The following SLC35F4 variants were observed in gnomAD, a reference collection of about 807,000 sequenced individuals.
The protein encoded by SLC35F4 is solute carrier family 35 member F4.
In SLC35F4, 24 loss-of-function variants were observed where a neutral mutation model predicts 44.2. The observed-to-expected ratio is 0.54, with a 90% CI of 0.39 to 0.76. SLC35F4 has a LOEUF of 0.76. Among genes scored for constraint, SLC35F4 ranks in the 30% least tolerant of loss-of-function variants. SLC35F4 has a pLI of 0.00. For missense variants in SLC35F4, 562 were observed against 586.1 expected, an observed-to-expected ratio of 0.96 and a Z score of 0.42; for synonymous variants, 238 against 223.6, an observed-to-expected ratio of 1.06 and a Z score of -0.57.
At chr14:57,911,597 T>C (rs543321197) in intron 1 of SLC35F4, among the ~76,000 whole-genome samples, 1 of 152,194 alleles carries the variant, frequency 6.6e-6, no homozygotes, top group Admixed American at 6.5e-5. Flanking sequence ...TTAATTGATA[T>C]TCAAATATTG....
At chr14:57,920,042 A>G (rs1889411666) in intron 1 of SLC35F4, among the ~76,000 whole-genome samples, 1 of 152,198 alleles carries the variant, frequency 6.6e-6, no homozygotes, top group Admixed American at 6.5e-5. Context: ...AATCTGCCAC[A>G]AAACCTGTGA....
chr14:57,968,824 C>G (rs1039646851), intron 1 of SLC35F4, among the ~76,000 whole-genome samples: 12 of 152,078 alleles, frequency 7.9e-5, no homozygotes, highest in African/African-American at 2.9e-4. Context: ...ATTAAACTTC[C>G]CCATATTATC....
intron 1 of SLC35F4, among the ~76,000 whole-genome samples, chr14:57,726,554 T>G (rs1230642175): frequency 6.6e-6 from 1 of 152,272 alleles, no homozygotes; most frequent in African/African-American, 2.4e-5. Context: ...ATATCAGCAT[T>G]TAAGTATTGT....
rs754853073 is a variant in SLC35F4, at chr14:57,737,127, T to C, written c.103+128596A>G. 1.3e-5 allele frequency among the ~76,000 whole-genome samples: 2 copies of C among 148,650 alleles called. 1 individual carries two copies. Among genetic ancestry groups the C allele is most frequent in the South Asian group, 4.3e-4 (2 of 4,648 alleles). On this transcript the variant is annotated intron_variant, in intron 1 of 7. Coordinates refer to ENST00000556826, the MANE Select transcript of SLC35F4 (RefSeq NM_001306087.2). ...GTGTGTGTGTGTGTGTGTGTGTGCA[T>C]GTGTGTGTGTGTTAGGAGAGAGAGA...
At chr14:57,701,728 A>T (rs1036967132) in intron 1 of SLC35F4, among the ~76,000 whole-genome samples, 1 of 152,228 alleles carries the variant, frequency 6.6e-6, no homozygotes, top group Non-Finnish European at 1.5e-5. Context: ...AGTTTAATTT[A>T]TAAATTAGGC....
intron 1 of SLC35F4, among the ~76,000 whole-genome samples, chr14:57,899,790 C>T (rs981812280): frequency 4.6e-5 from 7 of 152,052 alleles, no homozygotes; most frequent in Non-Finnish European, 8.8e-5. Flanking sequence ...CCGGTGGGTT[C>T]GTGGTCTCTC....
chr14:57,778,236 T>A (rs188974667), intron 1 of SLC35F4, among the ~76,000 whole-genome samples: 2,781 of 152,326 alleles, frequency 0.018, 29 homozygotes, highest in Non-Finnish European at 0.023. Context: ...CATGGAACTA[T>A]AAGCCCAACT....
intron 1 of SLC35F4, among the ~76,000 whole-genome samples, chr14:57,913,276 G>A (rs1369320297): frequency 2.0e-5 from 3 of 151,862 alleles, no homozygotes; most frequent in Admixed American, 6.6e-5. Context: ...GTTGATTATT[G>A]ATATAGTTAG....
chr14:57,816,600 C>G lies in SLC35F4; in HGVS notation c.103+49123G>C, dbSNP rs11623489. 9.2e-3 allele frequency among the ~76,000 whole-genome samples: 1,406 copies of G among 152,308 alleles called. 13 individuals carry two copies. Among genetic ancestry groups the G allele is most frequent in the Middle Eastern group, 0.02 (6 of 294 alleles). ...GTAACAACAAAAGGTACAATAAGGT[C>G]TACTTCATAACACATTGAACGCTGT... is the stretch of plus-strand genomic sequence containing the variant. On this transcript the variant is annotated intron_variant, in intron 1 of 7. Coordinates refer to ENST00000556826, the MANE Select transcript of SLC35F4 (RefSeq NM_001306087.2).
At chr14:57,973,400 C>A (rs1240856776), downstream of SLC35F4, among the ~76,000 whole-genome samples, 3 of 152,176 alleles carry the variant, frequency 2.0e-5, no homozygotes, top group Non-Finnish European at 4.4e-5. Flanking sequence ...ATTGCAACCA[C>A]AAATCACCAC....
chr14:57,920,841 G>A (rs1323548140), intron 1 of SLC35F4, among the ~76,000 whole-genome samples: 1 of 152,194 alleles, frequency 6.6e-6, no homozygotes, highest in African/African-American at 2.4e-5. Flanking sequence ...CACATTGAGA[G>A]ACTTGAGAAG....
chr14:57,770,980 T>A (rs537623675), intron 1 of SLC35F4, among the ~76,000 whole-genome samples: 1 of 152,306 alleles, frequency 6.6e-6, no homozygotes, highest in Non-Finnish European at 1.5e-5. Context: ...ATGTCAAAAC[T>A]TCACTGGCCA....
intron 1 of SLC35F4, among the ~76,000 whole-genome samples, chr14:57,865,472 C>G (rs57329609): frequency 0.076 from 11,598 of 152,268 alleles, 618 homozygotes; most frequent in African/African-American, 0.15. Context: ...GCACCTCCCC[C>G]CAAGGCTACG....
chr14:57,670,074 G>C (rs1295760297), intron 1 of SLC35F4, among the ~76,000 whole-genome samples: 2 of 152,018 alleles, frequency 1.3e-5, no homozygotes, highest in African/African-American at 2.4e-5. Context: ...TGTATGTGTC[G>C]AGGAATTTAT....
chr14:57,733,188 C>A, intron 1 of SLC35F4, among the ~76,000 whole-genome samples: 1 of 152,130 alleles, frequency 6.6e-6, no homozygotes, highest in East Asian at 1.9e-4. Flanking sequence ...GTCAGAAACA[C>A]TAGCTCTCCG....
At chr14:57,567,062 G>C (rs2068242312) in intron 6 of SLC35F4, among the ~76,000 whole-genome samples, 1 of 152,182 alleles carries the variant, frequency 6.6e-6, no homozygotes, top group African/African-American at 2.4e-5. Flanking sequence ...GGCAAACAAG[G>C]GTGGGTTTAA....
intron 1 of SLC35F4, among the ~76,000 whole-genome samples, chr14:57,842,902 G>A (rs1461518330): frequency 6.6e-6 from 1 of 152,162 alleles, no homozygotes; most frequent in Non-Finnish European, 1.5e-5. Context: ...TGTCAGCATG[G>A]CTAGAATAAA....
intron 1 of SLC35F4, among the ~76,000 whole-genome samples, chr14:57,612,936 C>A (rs1265023255): frequency 1.3e-5 from 2 of 152,172 alleles, no homozygotes; most frequent in African/African-American, 4.8e-5. Context: ...TCAATAAACT[C>A]CAGATGCATC....
Position 57,914,195 on chromosome 14 carries a change from C to T in SLC35F4, n.282+67718G>A, listed in dbSNP as rs555275425. ...CACCATCATCTGTCACAGGTCATCC[C>T]GTGGTGAAAGGTAAGAAGGTAGAAG... On this transcript the variant is annotated intron_variant and non_coding_transcript_variant, in intron 1 of 1. Transcript: ENST00000556568. 1.3e-3 allele frequency among the ~76,000 whole-genome samples: 198 copies of T among 152,210 alleles called. 2 individuals carry two copies. The South Asian group carries it at 0.038, about 30-fold the overall frequency.
Sources: allele counts gnomAD v4.1 joint callset (sites outside exome capture counted in the v4.1 genomes callset), GRCh38; gene constraint gnomAD v4.1.1; transcripts MANE v1.5; gene names NCBI Gene and HGNC (gene_info 2026-07-23, HGNC 2026-07-21).